The following ADGRL1 variants were observed in gnomAD, a reference collection of about 807,000 sequenced individuals.
ADGRL1 encodes adhesion G protein-coupled receptor L1.
A neutral mutation model predicts 148.9 loss-of-function variants in ADGRL1; 31 were observed. The ratio of observed to expected loss-of-function variants is 0.21; its 90% CI spans 0.16 to 0.28. The LOEUF is 0.28. Among genes scored for constraint, ADGRL1 ranks in the 10% least tolerant of loss-of-function variants. ADGRL1 has a pLI of 1.00. For synonymous variants in ADGRL1, 937 were observed against 900.3 expected (o/e 1.04, Z -0.73); for missense variants, 1,521 against 2,058.8 (o/e 0.74, Z 5.05).
At chr19:14,196,893 T>A (rs952689198) in intron 1 of ADGRL1, among the ~76,000 whole-genome samples, 3 of 152,126 alleles carry the variant, frequency 2.0e-5, no homozygotes, top group Non-Finnish European at 4.4e-5. Flanking sequence ...ATGCTGGCTC[T>A]GCAGGGTGGG....
chr19:14,163,353 C>T lies in ADGRL1; in HGVS notation c.448G>A (p.Glu150Lys), dbSNP rs145002706. ...CATGCGCCAGACTGGTGCTCTGACT[C>T]GTGTGTCGAGGTGGGCTCCAGCACC... Reference protein sequence around the residue: ...QKVLEPTSTHESEHQSGAWCK... With the variant: ...QKVLEPTSTHKSEHQSGAWCK... The change falls in exon 5 of 23, where the codon GAG becomes AAG. Residue 150 changes from glutamate to lysine, a missense_variant. Glu to Lys is a moderately conservative substitution (Grantham distance 56, BLOSUM62 1). Coordinates refer to ENST00000361434, the MANE Select transcript of ADGRL1 (RefSeq NM_014921.5). 30 of 1,603,476 alleles carry T rather than the reference C, an allele frequency of 1.9e-5. No homozygotes were observed. The highest frequency in any genetic ancestry group is 4.0e-5 in the African/African-American group (3 of 74,752).
chr19:14,163,496 G>C, intron 4 of ADGRL1, 90 bp from the exon 5 acceptor site: 2 of 965,306 alleles, frequency 2.1e-6, no homozygotes, highest in Non-Finnish European at 3.0e-6. Context: ...GAGAGAGAGA[G>C]AGGGGGGAGA....
intron 18 of ADGRL1, among the ~76,000 whole-genome samples, chr19:14,154,798 G>A (rs1468088466): frequency 1.3e-5 from 2 of 151,178 alleles, no homozygotes; most frequent in Non-Finnish European, 2.9e-5. Flanking sequence ...TATTTTTTAA[G>A]TAGAGACGGG....
At chr19:14,176,177 C>T (rs552196527) in intron 3 of ADGRL1, among the ~76,000 whole-genome samples, 2 of 151,698 alleles carry the variant, frequency 1.3e-5, no homozygotes, top group East Asian at 1.9e-4. Flanking sequence ...GGTGACACCC[C>T]GTCTCTATTA....
intron 1 of ADGRL1, among the ~76,000 whole-genome samples, chr19:14,204,346 G>A (rs573056731): frequency 4.3e-4 from 65 of 152,096 alleles, no homozygotes; most frequent in African/African-American, 1.5e-3. Context: ...GTCCCCTGCC[G>A]GGGGCAGACA....
chr19:14,160,288 C>G lies in ADGRL1; in HGVS notation c.1624G>C (p.Gly542Arg). 1 of 1,589,098 alleles carries G rather than the reference C, an allele frequency of 6.3e-7. No individual in the cohort carries two copies. The highest frequency in any genetic ancestry group is 8.6e-7 in the Non-Finnish European group (1 of 1,160,068). The change falls in exon 8 of 23, where the codon GGG (glycine) becomes CGG (arginine). Residue 542 changes from glycine (G) to arginine (R), a missense_variant. Transcript: ENST00000361434. The surrounding 1 kb of genome is among the most constrained non-coding windows in gnomAD (Gnocchi z 5.9). ...VNQVAQKIKS[G>R]ENAANIASEL... ...CTGGCGATGTTGGCCGCGTTCTCCCCACTCTTGATCTGCATGAGGTGGGGG... is the reference window on the plus strand; with the variant it reads ...CTGGCGATGTTGGCCGCGTTCTCCCGACTCTTGATCTGCATGAGGTGGGGG...
Position 14,160,645 on chromosome 19 carries a change from C to G in ADGRL1, c.1562G>C (p.Gly521Ala). 6.2e-7 allele frequency: 1 copy of G among 1,612,978 alleles called. No homozygotes were observed. The highest frequency in any genetic ancestry group is 8.5e-7 in the Non-Finnish European group (1 of 1,179,670). The stretch of plus-strand genomic sequence containing the variant: ...GGAGGTGCAGTTGCTGAGGTCAGGG[C>G]CCCGGGGGTTCCAGAGCCCCAAGGC... ...LPALGLWNPR[G>A]PDLSNCTSPW... Residue 521 changes from glycine to alanine, a missense_variant, in exon 7 of 23, where the codon GGC becomes GCC. This residue lies in a region of ADGRL1 where 270 missense variants were observed against 320.4 expected (regional missense o/e 0.84). Transcript: ENST00000361434. This position sits in a 1 kb window ranked among gnomAD's most constrained non-coding sequence, Gnocchi z 5.9.
intron 1 of ADGRL1, among the ~76,000 whole-genome samples, chr19:14,202,897 C>G: frequency 6.6e-6 from 1 of 152,150 alleles, no homozygotes; most frequent in East Asian, 1.9e-4. Context: ...CACGTGGCCA[C>G]ATGCACCCTT....
intron 1 of ADGRL1, among the ~76,000 whole-genome samples, chr19:14,186,853 C>G (rs1971602387): frequency 6.6e-6 from 1 of 152,220 alleles, no homozygotes; most frequent in Admixed American, 6.5e-5. Context: ...TCGGCTGCGG[C>G]TGCTCATTGT....
intron 1 of ADGRL1, among the ~76,000 whole-genome samples, chr19:14,192,803 G>A (rs990552354): frequency 2.2e-4 from 33 of 152,012 alleles, no homozygotes; most frequent in African/African-American, 8.0e-4. Context: ...CACGCGCCTC[G>A]GCCTCCCAAA....
intron 1 of ADGRL1, among the ~76,000 whole-genome samples, chr19:14,196,010 ACTC>A (rs1216030557): frequency 6.6e-6 from 1 of 151,522 alleles, no homozygotes; most frequent in Admixed American, 6.6e-5. Context: ...TCCTGTGGCT[ACTC>A]CTTCAGAGTC....
At chr19:14,202,392 A>G (rs906559918) in intron 1 of ADGRL1, among the ~76,000 whole-genome samples, 7 of 151,956 alleles carry the variant, frequency 4.6e-5, no homozygotes, top group Non-Finnish European at 1.0e-4. Flanking sequence ...AGCTGGGACT[A>G]CAGGTGCACA....
chr19:14,179,194 A>C (rs1030856667), intron 2 of ADGRL1, among the ~76,000 whole-genome samples: 1 of 150,024 alleles, frequency 6.7e-6, no homozygotes, highest in African/African-American at 2.5e-5. Context: ...AAAAATAAAT[A>C]AAAAATAAAA....
chr19:14,171,950 G>C (rs547000941), intron 3 of ADGRL1, among the ~76,000 whole-genome samples: 5 of 152,360 alleles, frequency 3.3e-5, no homozygotes, highest in African/African-American at 1.2e-4. Flanking sequence ...CTTCCCGACA[G>C]GTATGGGGCA....
Position 14,149,874 on chromosome 19 carries a change from G to A in ADGRL1, c.*999C>T, listed in dbSNP as rs1967984117. ...CTCCGGAGAAAGCCCGGGCTGGCCCGGGCCGCAGGCTCCCGGTGGCTTCAA... is the reference window on the plus strand; with the variant it reads ...CTCCGGAGAAAGCCCGGGCTGGCCCAGGCCGCAGGCTCCCGGTGGCTTCAA... On this transcript the variant is annotated 3_prime_UTR_variant, in exon 23 of 23. Transcript: ENST00000361434. The A allele has an allele frequency of 2.0e-5, 3 of 152,282 alleles. No homozygotes were observed. The highest frequency in any genetic ancestry group is 6.6e-5 in the Admixed American group (1 of 15,266). 9.4% of individuals were successfully genotyped at this position (152,282 alleles called of 1,614,324 possible). A position where few individuals can be genotyped will look rare whatever the true frequency, so the allele number is the denominator to read the frequency against.
In ADGRL1 at chr19:14,201,294, G is replaced by GT. The variant is rs748016498; in HGVS notation, c.-96+4690dup. Among the ~76,000 whole-genome samples the GT allele has an allele frequency of 3.7e-3, 323 of 86,202 alleles. 4 individuals are homozygous for GT. Among genetic ancestry groups the GT allele is most frequent in the African/African-American group, 0.01 (253 of 24,244 alleles). 56.6% of individuals were successfully genotyped at this position (86,202 alleles called of 152,430 possible). A position where few individuals can be genotyped will look rare whatever the true frequency, so the allele number is the denominator to read the frequency against. ...GAGGGAGGGGCACTGGCTATTCTGA[G>GT]TTTTTTTGTTTTTTTTTTTTGGCGG... is the stretch of plus-strand genomic sequence containing the variant. On this transcript the variant is annotated intron_variant, in intron 1 of 22. Coordinates refer to ENST00000361434, the MANE Select transcript of ADGRL1 (RefSeq NM_014921.5).
intron 2 of ADGRL1, among the ~76,000 whole-genome samples, chr19:14,180,226 G>A (rs1223780965): frequency 6.6e-6 from 1 of 152,008 alleles, no homozygotes; most frequent in Non-Finnish European, 1.5e-5. Context: ...GAACTTTCTT[G>A]GACTCTGCCC....
chr19:14,151,425 G>A lies in ADGRL1; in HGVS notation c.3858C>T (p.Asn1286=). 1.2e-6 allele frequency: 2 copies of A among 1,612,874 alleles called. No homozygotes were observed. The highest frequency in any genetic ancestry group is 1.3e-5 in the African/African-American group (1 of 75,052). The change falls in exon 23 of 23, where the codon AAC becomes AAT. Residue 1286 remains asparagine, a synonymous_variant. Coordinates refer to ENST00000361434, the MANE Select transcript of ADGRL1 (RefSeq NM_014921.5). ...CCGCGCTGCTGCTCCCCCGCAGGTT[G>A]TTGTGCACCAGCTCTGAGATGATCA... The part of the protein sequence containing the change: ...EKMIISELVH[N]NLRGSSSAAK...
intron 2 of ADGRL1, among the ~76,000 whole-genome samples, chr19:14,183,102 C>G (rs1355176246): frequency 6.6e-6 from 1 of 151,984 alleles, no homozygotes; most frequent in Non-Finnish European, 1.5e-5. Context: ...GGCATAGGGC[C>G]GAGCCGGGTA....
Sources: gnomAD v4.1 joint callset for allele counts (sites outside exome capture counted in the v4.1 genomes callset) on GRCh38, gnomAD v4.1.1 for gene constraint, gnomAD v4.1.1 regional missense constraint, Gnocchi (gnomAD v3.1) non-coding constraint, MANE v1.5 for transcripts, NCBI Gene and HGNC (gene_info 2026-07-23, HGNC 2026-07-21) for gene names.